Variants in LIMCH1 observed in about 807,000 individuals in gnomAD.
The protein encoded by LIMCH1 is LIM and calponin homology domains 1.
A neutral mutation model predicts 176.5 loss-of-function variants in LIMCH1; 113 were observed. The observed-to-expected ratio is 0.64, with a 90% CI of 0.55 to 0.75. LIMCH1 has a LOEUF of 0.75. Among genes scored for constraint, LIMCH1 ranks in the 30% least tolerant of loss-of-function variants. The probability of loss-of-function intolerance (pLI) is 0.00; values close to 1 mark genes in which losing one functional copy is unlikely to be tolerated. For missense variants in LIMCH1, 1,674 were observed against 1,814.9 expected (o/e 0.92, Z 1.41); for synonymous variants, 619 against 645.9 (o/e 0.96, Z 0.63).
At chr4:41,424,558 C>T (rs2060901490) in intron 1 of LIMCH1, among the ~76,000 whole-genome samples, 1 of 152,194 alleles carries the variant, frequency 6.6e-6, no homozygotes, top group African/African-American at 2.4e-5. Context: ...TCTTCAGTAG[C>T]AGCACCCATA....
intron 1 of LIMCH1, among the ~76,000 whole-genome samples, chr4:41,563,869 A>G (rs574092896): frequency 6.6e-6 from 1 of 152,306 alleles, no homozygotes; most frequent in South Asian, 2.1e-4. Flanking sequence ...TTCTTGGACC[A>G]GCTATCAGAA....
At chr4:41,648,916 A>T (rs948052868) in intron 17 of LIMCH1, among the ~76,000 whole-genome samples, 9 of 151,524 alleles carry the variant, frequency 5.9e-5, no homozygotes, top group African/African-American at 2.2e-4. Flanking sequence ...ATAGTGTGTC[A>T]CACAATGAAG....
In LIMCH1 at chr4:41,633,820, A is replaced by G; in HGVS notation, c.2090+12A>G. The stretch of plus-strand genomic sequence containing the variant: ...ATGAAAGATCAGAGGTCAGAAAGTT[A>G]TTCTGTGCCCTTGTGACTTTGTTTC... On this transcript the variant is annotated intron_variant, in intron 13 of 31. Coordinates refer to ENST00000503057, the MANE Select transcript of LIMCH1 (RefSeq NM_001330672.2). The G allele has an allele frequency of 1.3e-6, 2 of 1,533,926 alleles. No homozygotes were observed.
intron 13 of LIMCH1, among the ~76,000 whole-genome samples, chr4:41,634,375 T>C (rs2152881788): frequency 6.6e-6 from 1 of 152,266 alleles, no homozygotes; most frequent in Non-Finnish European, 1.5e-5. Flanking sequence ...ACATTTTTGT[T>C]AAATGTATGG....
At chr4:41,653,090 G>T (rs1344303759) in intron 18 of LIMCH1, among the ~76,000 whole-genome samples, 1 of 152,088 alleles carries the variant, frequency 6.6e-6, no homozygotes, top group Non-Finnish European at 1.5e-5. Context: ...GAAAATCTCT[G>T]TATATATCTG....
At chr4:41,531,187 C>A (rs2077245377) in intron 3 of LIMCH1, among the ~76,000 whole-genome samples, 1 of 152,034 alleles carries the variant, frequency 6.6e-6, no homozygotes, top group Admixed American at 6.5e-5. Flanking sequence ...ACATCAACCT[C>A]TAAGGAGACC....
rs143567304 is a variant in LIMCH1, at chr4:41,462,796, T to A, written c.97-31740T>A. 9.8e-3 allele frequency among the ~76,000 whole-genome samples: 1,485 copies of A among 152,288 alleles called. 21 individuals are homozygous for A. Among genetic ancestry groups the A allele is most frequent in the African/African-American group, 0.034 (1,422 of 41,564 alleles). On this transcript the variant is annotated intron_variant, in intron 1 of 26. Transcript: ENST00000313860. Reference sequence around the variant, plus strand: ...TAAAAGAGGAAAAGTCTGTTTGGCTTTTTTTCCCCCAAAAGTAACACAGCT... The same window carrying A: ...TAAAAGAGGAAAAGTCTGTTTGGCTATTTTTCCCCCAAAAGTAACACAGCT...
At chr4:41,568,680 G>A (rs1010828912) in intron 1 of LIMCH1, among the ~76,000 whole-genome samples, 4 of 152,190 alleles carry the variant, frequency 2.6e-5, no homozygotes, top group Non-Finnish European at 4.4e-5. Context: ...AATGTAAATT[G>A]TCTCCTTTGT....
intron 5 of LIMCH1, among the ~76,000 whole-genome samples, chr4:41,614,276 A>G (rs1190476455): frequency 1.3e-5 from 2 of 152,208 alleles, no homozygotes; most frequent in Non-Finnish European, 2.9e-5. Flanking sequence ...TATGGGTTTT[A>G]TATCACTTGG....
In LIMCH1 at chr4:41,620,428, C is replaced by T; in HGVS notation, c.463C>T (p.Pro155Ser). ...CCATATTGTCCAACTCACTAGCTTT[C>T]CTGAAACGATAGAGGAAGAGGGGAG... is the stretch of plus-strand genomic sequence containing the variant. Reference protein sequence around the residue: ...PLGGERPFSFPETIEEEGSEV... With the variant: ...PLGGERPFSFSETIEEEGSEV... Residue 155 changes from proline to serine, a missense_variant, in exon 7 of 32, where the codon CCT becomes TCT. By Grantham distance (74) the Pro-to-Ser change is moderately conservative (BLOSUM62 -1). Around this residue, in one of 3 missense-constraint regions of LIMCH1, gnomAD observed 655 missense variants for 692.2 expected, o/e 0.95. Transcript: ENST00000503057. The T allele has an allele frequency of 6.5e-7, 1 of 1,535,644 alleles. No homozygotes were observed. Among genetic ancestry groups the T allele is most frequent in the South Asian group, 1.2e-5 (1 of 83,998 alleles).
intron 1 of LIMCH1, among the ~76,000 whole-genome samples, chr4:41,547,713 CACATATAT>C (rs2079692834): frequency 7.1e-6 from 1 of 140,386 alleles, no homozygotes; most frequent in South Asian, 2.2e-4. Context: ...TAATAGTATA[CACATATAT>C]ACATATATAA....
At chr4:41,430,987 A>G (rs997648146) in intron 1 of LIMCH1, among the ~76,000 whole-genome samples, 3 of 152,186 alleles carry the variant, frequency 2.0e-5, no homozygotes, top group Admixed American at 6.5e-5. Flanking sequence ...ATGCACAAGC[A>G]AGTTTGTCAT....
chr4:41,544,896 C>T (rs1183012957), intron 1 of LIMCH1, among the ~76,000 whole-genome samples: 1 of 152,224 alleles, frequency 6.6e-6, no homozygotes, highest in Non-Finnish European at 1.5e-5. Context: ...CCTAAGTTAC[C>T]TCTTGGGTCC....
intron 4 of LIMCH1, chr4:41,613,193 C>CTT: frequency 1.6e-5 from 15 of 965,538 alleles, no homozygotes; most frequent in South Asian, 8.9e-5. Context: ...TTTCTCTACT[C>CTT]TTTTTTTTTT....
chr4:41,465,853 A>G (rs928069302), intron 1 of LIMCH1, among the ~76,000 whole-genome samples: 3 of 151,706 alleles, frequency 2.0e-5, no homozygotes, highest in African/African-American at 2.4e-5. Context: ...AGCCATACCC[A>G]TTCGTTGTAT....
At chr4:41,424,924 G>A (rs1158329902) in intron 1 of LIMCH1, among the ~76,000 whole-genome samples, 4 of 152,140 alleles carry the variant, frequency 2.6e-5, no homozygotes, top group Non-Finnish European at 5.9e-5. Flanking sequence ...AAGGAAAATC[G>A]TCTTTGGTCT....
intron 1 of LIMCH1, among the ~76,000 whole-genome samples, chr4:41,567,789 A>G (rs2082967409): frequency 6.6e-6 from 1 of 152,206 alleles, no homozygotes; most frequent in Non-Finnish European, 1.5e-5. Flanking sequence ...CTCTTTTTTT[A>G]GAAATCTTGT....
chr4:41,639,643 A>G (rs2093737770), intron 14 of LIMCH1, among the ~76,000 whole-genome samples: 1 of 152,186 alleles, frequency 6.6e-6, no homozygotes, highest in African/African-American at 2.4e-5. Context: ...CCCATTTGTG[A>G]CCACATTAAC....
At chr4:41,367,438 G>C (rs1378671156) in intron 1 of LIMCH1, among the ~76,000 whole-genome samples, 2 of 152,072 alleles carry the variant, frequency 1.3e-5, no homozygotes, top group Non-Finnish European at 2.9e-5. Context: ...GTGGCTGTTG[G>C]AGGCTGCAGC....
Sources: allele counts gnomAD v4.1 joint callset (sites outside exome capture counted in the v4.1 genomes callset), GRCh38; gene constraint gnomAD v4.1.1; regional missense constraint gnomAD v4.1.1; transcripts MANE v1.5; gene names NCBI Gene and HGNC (gene_info 2026-07-23, HGNC 2026-07-21).